The following ZDHHC9 variants were observed in gnomAD, a reference collection of about 807,000 sequenced individuals.
ZDHHC9 encodes the protein zDHHC palmitoyltransferase 9.
Under a neutral mutation model 26.6 loss-of-function variants are expected in ZDHHC9, and 3 were observed. The ratio of observed to expected loss-of-function variants is 0.11; its 90% CI spans 0.05 to 0.29. The LOEUF is 0.29. ZDHHC9 is among the 10% of genes least tolerant of loss of function. The pLI is 1.00. For missense variants in ZDHHC9, 146 were observed against 296.4 expected (o/e 0.49, Z 3.73); for synonymous variants, 111 against 109.4 (o/e 1.01, Z -0.09).
chrX:129,831,262 T>C (rs1376547387), intron 3 of ZDHHC9, among the ~76,000 whole-genome samples: 4 of 111,512 alleles, frequency 3.6e-5, no homozygotes, highest in Non-Finnish European at 5.7e-5. Flanking sequence ...TAACAGCAAA[T>C]AGGAATCTTC....
At position 129,838,399 on chromosome X, in the gene ZDHHC9, C is replaced by T. The variant is rs370708002; in HGVS notation, c.167+3380G>A. 7.5e-4 allele frequency among the ~76,000 whole-genome samples: 84 copies of T among 112,154 alleles called. 1 individual carries two copies. In the South Asian group the frequency reaches 0.03, roughly 40 times the overall value. On this transcript the variant is annotated intron_variant, in intron 3 of 10. Transcript: ENST00000357166. ...AGAAACACCTCTAACAGGCCGGGCG[C>T]AGTGGCTCATGCCTGTAATCCCAGC...
chrX:129,807,306 C>A (rs1602941416), intron 10 of ZDHHC9, among the ~76,000 whole-genome samples: 1 of 107,837 alleles, frequency 9.3e-6, no homozygotes, highest in Non-Finnish European at 1.9e-5. Context: ...ATTAGCCGGG[C>A]GCGGTGGCGG....
chrX:129,838,221 A>C (rs748914637), intron 3 of ZDHHC9, among the ~76,000 whole-genome samples: 1 of 112,602 alleles, frequency 8.9e-6, no homozygotes, highest in Non-Finnish European at 1.9e-5. Context: ...CCTACTGGTA[A>C]TCTATAATCT....
At chrX:129,842,712 C>G (rs891255367) in intron 2 of ZDHHC9, among the ~76,000 whole-genome samples, 1 of 112,900 alleles carries the variant, frequency 8.9e-6, no homozygotes, top group African/African-American at 3.2e-5. Flanking sequence ...TTACACAAAA[C>G]AGATTTCCCC....
At chrX:129,812,691 G>A (rs1216465918) in intron 8 of ZDHHC9, 27 bp downstream of exon 8, 2 of 1,115,418 alleles carry the variant, frequency 1.8e-6, no homozygotes, top group Admixed American at 4.4e-5. Flanking sequence ...AAGAATATGT[G>A]GTGAGGAGAA....
chrX:129,806,480 TG>T lies in ZDHHC9; in HGVS notation c.984del (p.Thr329GlnfsTer4), dbSNP rs779289842. 2 of 1,207,819 alleles carry T rather than the reference TG, an allele frequency of 1.7e-6. No homozygotes were observed. Among genetic ancestry groups the T allele is most frequent in the Non-Finnish European group, 2.2e-6 (2 of 892,135 alleles). The stretch of plus-strand genomic sequence containing the variant: ...ATCTCATTTGAGTTCAGGTGTTCTG[TG>T]GGGGCCTGAGAAGGAAAAGATATGA... Reference protein sequence around the residue: ...SSSLLPQSPAPTEHLNSNEMP... With the variant: ...SSSLLPQSPAXTEHLNSNEMP... On this transcript the variant is annotated frameshift_variant, in exon 11 of 11. Coordinates refer to ENST00000357166, the MANE Select transcript of ZDHHC9 (RefSeq NM_016032.4). LOFTEE classifies it high-confidence loss of function.
At chrX:129,836,273 T>TTTTA (rs200536288) in intron 3 of ZDHHC9, among the ~76,000 whole-genome samples, 6,229 of 110,956 alleles carry the variant, frequency 0.056, 495 homozygotes, top group African/African-American at 0.19. Flanking sequence ...CTTTTTTCTA[T>TTTTA]TTTATTTATT....
rs1474277268 is a variant in ZDHHC9 at position 129,828,385 on chromosome X, G to A, written c.328+596C>T. ...CGCCTGTAATCCCAGCAATTTGGGA[G>A]ATCAAGGCGGGCGGATCACAAGGTC... On this transcript the variant is annotated intron_variant, in intron 4 of 10. Coordinates refer to ENST00000357166, the MANE Select transcript of ZDHHC9 (RefSeq NM_016032.4). Among the ~76,000 whole-genome samples the A allele has an allele frequency of 4.5e-5, 5 of 110,247 alleles. No homozygotes were observed. The Admixed American group carries it at 4.8e-4, about 11-fold the overall frequency.
chrX:129,817,976 T>C (rs1244627524), intron 5 of ZDHHC9, among the ~76,000 whole-genome samples: 7 of 111,775 alleles, frequency 6.3e-5, no homozygotes, highest in Non-Finnish European at 1.3e-4. Context: ...TTTTGGCTAT[T>C]GTTATGGAAT....
At chrX:129,820,555 C>T (rs2124112917) in intron 5 of ZDHHC9, among the ~76,000 whole-genome samples, 1 of 111,351 alleles carries the variant, frequency 9.0e-6, no homozygotes, top group Non-Finnish European at 1.9e-5. Flanking sequence ...CGTGCCACTG[C>T]CCTCCAGCCT....
At chrX:129,841,322 C>T (rs1387886724) in intron 3 of ZDHHC9, among the ~76,000 whole-genome samples, 1 of 112,191 alleles carries the variant, frequency 8.9e-6, no homozygotes, top group African/African-American at 3.2e-5. Context: ...TCTGTAGGTT[C>T]CCAACTCAGT....
At chrX:129,840,364 A>C (rs757776891) in intron 3 of ZDHHC9, among the ~76,000 whole-genome samples, 7 of 111,642 alleles carry the variant, frequency 6.3e-5, no homozygotes, top group Non-Finnish European at 1.1e-4. Flanking sequence ...TTCCAAGAAG[A>C]AGCAGGACAG....
intron 5 of ZDHHC9, among the ~76,000 whole-genome samples, chrX:129,821,385 C>T (rs1310977712): frequency 1.0e-4 from 11 of 106,781 alleles, no homozygotes; most frequent in African/African-American, 2.8e-4. Context: ...CTCCGCCTCC[C>T]GGGTTCACGC....
chrX:129,832,697 G>A (rs1025461928), intron 3 of ZDHHC9, among the ~76,000 whole-genome samples: 1 of 110,708 alleles, frequency 9.0e-6, no homozygotes, highest in African/African-American at 3.3e-5. Context: ...GCAGGAGAAT[G>A]GTGTGAACCC....
rs1434231977 is a variant in ZDHHC9 at position 129,804,513 on chromosome X, C to T, written c.*1857G>A. The stretch of plus-strand genomic sequence containing the variant: ...GAATTGATAGGGAGTCTTGATTATA[C>T]ACCACCTAGAAAGAAATATATACCA... On this transcript the variant is annotated 3_prime_UTR_variant, in exon 11 of 11. Coordinates refer to ENST00000357166, the MANE Select transcript of ZDHHC9 (RefSeq NM_016032.4). 1 of 111,446 alleles carries T rather than the reference C, an allele frequency of 9.0e-6. No individual in the cohort carries two copies. Among genetic ancestry groups the T allele is most frequent in the Non-Finnish European group, 1.9e-5 (1 of 53,002 alleles). 9.2% of individuals were successfully genotyped at this position (111,446 alleles called of 1,213,427 possible).
In ZDHHC9 at chrX:129,803,598, G is replaced by A. The variant is rs755866806; in HGVS notation, c.*2772C>T. ...AGGGAGAATGGAATTTAGCTGCTACGGAATCAGAATCCACCTCTAACCCAA... is the reference window on the plus strand; with the variant it reads ...AGGGAGAATGGAATTTAGCTGCTACAGAATCAGAATCCACCTCTAACCCAA... On this transcript the variant is annotated 3_prime_UTR_variant, in exon 11 of 11. Coordinates refer to ENST00000357166, the MANE Select transcript of ZDHHC9 (RefSeq NM_016032.4). The A allele has an allele frequency of 6.2e-5, 7 of 112,158 alleles. No individual in the cohort carries two copies. The highest frequency in any genetic ancestry group is 1.3e-4 in the African/African-American group (4 of 30,903). The allele number at this position is 112,158 out of a possible 1,213,427, so 9.2% of individuals were successfully genotyped here.
intron 4 of ZDHHC9, among the ~76,000 whole-genome samples, chrX:129,826,914 C>T (rs1358074434): frequency 8.9e-6 from 1 of 112,663 alleles, no homozygotes; most frequent in Non-Finnish European, 1.9e-5. Flanking sequence ...AATACATGGG[C>T]CGGGCGCAGT....
chrX:129,829,178 T>C (rs1928087653), intron 3 of ZDHHC9, 37 bp from the exon 4 acceptor site: 1 of 1,194,166 alleles, frequency 8.4e-7, no homozygotes, highest in African/African-American at 1.7e-5. Context: ...TAATGATACC[T>C]ACCCTATATT....
intron 3 of ZDHHC9, among the ~76,000 whole-genome samples, chrX:129,830,566 G>A (rs1287434284): frequency 1.8e-5 from 2 of 111,624 alleles, no homozygotes; most frequent in African/African-American, 3.3e-5. Flanking sequence ...GAGAGTTATC[G>A]CTGACCTATT....
Sources: gnomAD v4.1 joint callset for allele counts (sites outside exome capture counted in the v4.1 genomes callset) on GRCh38, gnomAD v4.1.1 for gene constraint, MANE v1.5 for transcripts, NCBI Gene and HGNC (gene_info 2026-07-23, HGNC 2026-07-21) for gene names.